Variants in WIPI1 observed in about 807,000 individuals in gnomAD.
WIPI1 encodes WD repeat domain phosphoinositide-interacting protein 1.
A neutral mutation model predicts 55.3 loss-of-function variants in WIPI1; 45 were observed. The ratio of observed to expected loss-of-function variants is 0.81; its 90% confidence interval spans 0.64 to 1.04. The LOEUF (loss-of-function observed/expected upper bound fraction) is 1.04. Ranked by LOEUF, WIPI1 falls within the 50% of genes least tolerant of loss-of-function variation. The probability of loss-of-function intolerance (pLI) is 0.00; values close to 1 mark genes in which losing one functional copy is unlikely to be tolerated. For missense variants in WIPI1, 445 were observed against 559.0 expected, an observed-to-expected ratio of 0.80 and a Z score of 2.06; for synonymous variants, 195 against 217.6, an observed-to-expected ratio of 0.90 and a Z score of 0.92.
At chr17:68,437,446 T>A (rs2083865375) in intron 4 of WIPI1, among the ~76,000 whole-genome samples, 3 of 151,882 alleles carry the variant, frequency 2.0e-5, no homozygotes, top group Admixed American at 2.0e-4. Context: ...TCCCAGCTAC[T>A]CGGGAGGCTG....
At chr17:68,429,907 T>C (rs899086053) in intron 9 of WIPI1, 89 bp downstream of exon 9, 7 of 1,585,808 alleles carry the variant, frequency 4.4e-6, no homozygotes, top group Admixed American at 1.9e-5. Context: ...GTTTTCTTTT[T>C]TTCTTTTCAG....
chr17:68,450,777 C>T lies in WIPI1; in HGVS notation c.284G>A (p.Cys95Tyr). Reference protein sequence around the residue: ...VYHFKKGTEICNYSYSSNILS... With the variant: ...VYHFKKGTEIYNYSYSSNILS... ...GATGTTGCTGGAGTAGCTGTAATTA[C>T]AGATCTCTGTGCCTTTCTTGAAGTG... The change falls in exon 3 of 13, where the codon TGT becomes TAT. Residue 95 changes from cysteine to tyrosine, a missense_variant. Transcript: ENST00000262139. 1 of 1,613,708 alleles carries T rather than the reference C, an allele frequency of 6.2e-7. No individual in the cohort carries two copies. The highest frequency in any genetic ancestry group is 8.5e-7 in the Non-Finnish European group (1 of 1,179,784).
intron 4 of WIPI1, among the ~76,000 whole-genome samples, chr17:68,443,382 C>T (rs961499225): frequency 1.3e-5 from 2 of 152,036 alleles, no homozygotes; most frequent in Non-Finnish European, 2.9e-5. Context: ...CAATGTGCTG[C>T]GATTATAGGT....
At chr17:68,434,972 C>G (rs563449314) in intron 6 of WIPI1, among the ~76,000 whole-genome samples, 1 of 152,028 alleles carries the variant, frequency 6.6e-6, no homozygotes, top group African/African-American at 2.4e-5. Flanking sequence ...GAGGCCAAGG[C>G]GGGTGGATTG....
intron 12 of WIPI1, chr17:68,422,099 T>C (rs931018123): frequency 2.5e-6 from 1 of 404,554 alleles, no homozygotes; most frequent in Non-Finnish European, 4.6e-6. Context: ...AAGGCTCATC[T>C]TACTTGTAAA....
At chr17:68,437,192 A>G (rs1484477292) in intron 4 of WIPI1, among the ~76,000 whole-genome samples, 1 of 152,132 alleles carries the variant, frequency 6.6e-6, no homozygotes, top group Non-Finnish European at 1.5e-5. Context: ...CTTTCTGCAG[A>G]TGATTATATA....
At chr17:68,442,829 C>G (rs1191891108) in intron 4 of WIPI1, among the ~76,000 whole-genome samples, 5 of 152,166 alleles carry the variant, frequency 3.3e-5, no homozygotes, top group Admixed American at 6.5e-5. Context: ...TGTCTCAGAC[C>G]ACCTCAGACA....
rs1233875803 is a variant in WIPI1 at position 68,428,239 on chromosome 17, T to A, written c.1073+590A>T. ...CATGCAGGGAATAGGTTTTTTTTTT[T>A]TTTTATTTTGAGACAGGGTCTCACT... On this transcript the variant is annotated intron_variant, in intron 10 of 12. Transcript: ENST00000262139. 7 of 151,806 alleles carry A rather than the reference T, an allele frequency of 4.6e-5. 1 individual carries two copies. The highest frequency in any genetic ancestry group is 1.3e-4 in the Admixed American group (2 of 15,204). The allele number at this position is 151,806 out of a possible 1,614,324, so 9.4% of individuals were successfully genotyped here.
chr17:68,422,428 CA>C (rs141137787), intron 12 of WIPI1: 4,973 of 105,866 alleles, frequency 0.047, 195 homozygotes, highest in East Asian at 0.2. Context: ...GACTCCATCT[CA>C]AAAAAAAAAA....
chr17:68,422,570 A>G (rs2082868397), intron 12 of WIPI1: 1 of 151,866 alleles, frequency 6.6e-6, no homozygotes, highest in Non-Finnish European at 1.5e-5. Context: ...GTCTCTACTA[A>G]AAATACAAAA....
intron 7 of WIPI1, 110 bp from the exon 8 acceptor site, chr17:68,433,685 G>A (rs2083625699): frequency 1.4e-6 from 1 of 702,702 alleles, no homozygotes; most frequent in East Asian, 3.7e-5. Flanking sequence ...AAGAGCCTAG[G>A]TAGACCCAGA....
At chr17:68,441,811 A>G (rs1268583900) in intron 4 of WIPI1, among the ~76,000 whole-genome samples, 4 of 152,222 alleles carry the variant, frequency 2.6e-5, no homozygotes, top group African/African-American at 9.6e-5. Flanking sequence ...GGAGAAGTTG[A>G]GGTGATAATT....
chr17:68,450,867 C>T lies in WIPI1; in HGVS notation c.194G>A (p.Arg65His), dbSNP rs576358980. The T allele has an allele frequency of 9.9e-6, 16 of 1,613,676 alleles. No homozygotes were observed. Among genetic ancestry groups the T allele is most frequent in the Non-Finnish European group, 1.1e-5 (13 of 1,179,882 alleles). Residue 65 changes from arginine to histidine, a missense_variant, in exon 3 of 13, where the codon CGC (arginine) becomes CAC (histidine). Physicochemically the swap from Arg to His is conservative, Grantham distance 29. Coordinates refer to ENST00000262139, the MANE Select transcript of WIPI1 (RefSeq NM_017983.7). ...CACCACCAGGCTGCTGGAGAAGAGGCGCTCCACGATGTAGACGTCCGGGAT... is the reference window on the plus strand; with the variant it reads ...CACCACCAGGCTGCTGGAGAAGAGGTGCTCCACGATGTAGACGTCCGGGAT... ...NEIPDVYIVE[R>H]LFSSSLVVVV...
At chr17:68,424,142 T>C (rs2082989298) in intron 12 of WIPI1, among the ~76,000 whole-genome samples, 1 of 152,208 alleles carries the variant, frequency 6.6e-6, no homozygotes. Flanking sequence ...TGGTTTATAG[T>C]TAGGCAGCAT....
In WIPI1 at chr17:68,430,134, C is replaced by T. The variant is rs780422839; in HGVS notation, c.827G>A (p.Ser276Asn). 5 of 1,613,748 alleles carry T rather than the reference C, an allele frequency of 3.1e-6. No individual in the cohort carries two copies. Among genetic ancestry groups the T allele is most frequent in the Non-Finnish European group, 4.2e-6 (5 of 1,179,934 alleles). The change falls in exon 9 of 13, where the codon AGT becomes AAT. Residue 276 changes from serine to asparagine, a missense_variant. Coordinates refer to ENST00000262139, the MANE Select transcript of WIPI1 (RefSeq NM_017983.7). ...CATAAACATCTTTCCCATGTAGCCA[C>T]TCCAGGTCGAAGGCTCTTCTGGTCG... The part of the protein sequence containing the change: ...NSRPEEPSTW[S>N]GYMGKMFMAA...
At chr17:68,444,371 C>A in intron 4 of WIPI1, 122 bp downstream of exon 4, 2 of 833,006 alleles carry the variant, frequency 2.4e-6, no homozygotes, top group Non-Finnish European at 2.0e-6. Flanking sequence ...TCGAGATAAA[C>A]CTCACTAAGA....
At chr17:68,446,327 TGC>T in intron 3 of WIPI1, among the ~76,000 whole-genome samples, 1 of 152,142 alleles carries the variant, frequency 6.6e-6, no homozygotes, top group South Asian at 2.1e-4. Flanking sequence ...ACTACAGGTG[TGC>T]GCCACCATGC....
chr17:68,430,207 A>G (rs1304334147), intron 8 of WIPI1, 47 bp from the exon 9 acceptor site: 2 of 1,555,766 alleles, frequency 1.3e-6, no homozygotes, highest in South Asian at 2.4e-5. Flanking sequence ...TGCAGGCCCC[A>G]CACGCACCCA....
chr17:68,443,476 C>T (rs1359545255), intron 4 of WIPI1, among the ~76,000 whole-genome samples: 2 of 152,146 alleles, frequency 1.3e-5, no homozygotes, highest in Admixed American at 6.5e-5. Flanking sequence ...AAATCAACAG[C>T]CAAGGGCCAT....
Sources: allele counts gnomAD v4.1 joint callset (sites outside exome capture counted in the v4.1 genomes callset), GRCh38; gene constraint gnomAD v4.1.1; transcripts MANE v1.5; gene names NCBI Gene and HGNC (gene_info 2026-07-23, HGNC 2026-07-21).